Variants in TRIM34 observed in about 807,000 individuals in gnomAD.
TRIM34 encodes the protein tripartite motif containing 34, also known as E3 ubiquitin-protein ligase TRIM34.
TRIM34 carries 41 observed loss-of-function variants against 38.1 expected under a neutral mutation model. The ratio of observed to expected loss-of-function variants is 1.08; its 90% CI spans 0.84 to 1.40. TRIM34 has a LOEUF of 1.40. TRIM34 is among the 40% of genes most tolerant of loss of function. The pLI is 0.00. For missense variants in TRIM34, 556 were observed against 571.4 expected, an observed-to-expected ratio of 0.97 and a Z score of 0.27; for synonymous variants, 200 against 202.5, an observed-to-expected ratio of 0.99 and a Z score of 0.10.
intron 1 of TRIM34, chr11:5,626,587 AG>A (rs1431584562): frequency 3.3e-5 from 5 of 152,234 alleles, no homozygotes; most frequent in Admixed American, 3.3e-4. Context: ...GAGGCATAAA[AG>A]GTGAGTTCTT....
chr11:5,627,678 G>GCTCA (rs1849305816), intron 1 of TRIM34, among the ~76,000 whole-genome samples: 1 of 152,186 alleles, frequency 6.6e-6, no homozygotes, highest in South Asian at 2.1e-4. Context: ...CTAAGGAGTA[G>GCTCA]CTGAAGCAAG....
At chr11:5,642,259 G>A (rs551261260) in intron 5 of TRIM34, 147 bp from the exon 6 acceptor site, 438 of 598,910 alleles carry the variant, frequency 7.3e-4, no homozygotes, top group Non-Finnish European at 1.0e-3. Flanking sequence ...TCTGGATCCA[G>A]GGTCCGGCTC....
chr11:5,628,710 T>TA (rs1849350344), intron 1 of TRIM34, among the ~76,000 whole-genome samples: 1 of 152,172 alleles, frequency 6.6e-6, no homozygotes, highest in African/African-American at 2.4e-5. Flanking sequence ...AGCACTGTTG[T>TA]AACCAATTAT....
At chr11:5,642,633 C>T in intron 6 of TRIM34, 127 bp downstream of exon 6, 1 of 1,401,498 alleles carries the variant, frequency 7.1e-7, no homozygotes, top group Non-Finnish European at 9.6e-7. Flanking sequence ...AAGGAATATT[C>T]TGTGGTGAAG....
At chr11:5,622,969 T>G (rs1199752170), upstream of TRIM34, among the ~76,000 whole-genome samples, 1 of 152,226 alleles carries the variant, frequency 6.6e-6, no homozygotes, top group Non-Finnish European at 1.5e-5. Context: ...GCGGGACAGC[T>G]GAGTCCGGAA....
At chr11:5,638,840 A>T (rs1237246549) in intron 4 of TRIM34, among the ~76,000 whole-genome samples, 2 of 152,022 alleles carry the variant, frequency 1.3e-5, no homozygotes, top group Non-Finnish European at 2.9e-5. Flanking sequence ...AAAAGAAGGG[A>T]GTTTATTTTT....
At chr11:5,631,476 C>T (rs1274299168) in intron 1 of TRIM34, among the ~76,000 whole-genome samples, 1 of 152,096 alleles carries the variant, frequency 6.6e-6, no homozygotes, top group Non-Finnish European at 1.5e-5. Flanking sequence ...TCTTATTTCT[C>T]AAGAATTTTG....
chr11:5,642,571 A>G, intron 6 of TRIM34, 65 bp downstream of exon 6: 4 of 1,561,784 alleles, frequency 2.6e-6, no homozygotes, highest in Non-Finnish European at 8.7e-7. Context: ...TAAACTGTCT[A>G]GGTGGGATAA....
chr11:5,639,678 T>TAAAAAA (rs1849906580), intron 4 of TRIM34, among the ~76,000 whole-genome samples: 1 of 16,736 alleles, frequency 6.0e-5, no homozygotes, highest in Admixed American at 5.9e-4. Context: ...AGACTCTATT[T>TAAAAAA]CAAAAAAAAA....
At chr11:5,623,772 G>A (rs1272921776), upstream of TRIM34, among the ~76,000 whole-genome samples, 1 of 152,062 alleles carries the variant, frequency 6.6e-6, no homozygotes, top group Non-Finnish European at 1.5e-5. Flanking sequence ...ATATTCCCAA[G>A]GTATTGGATG....
In TRIM34 at chr11:5,643,449, C is replaced by G; in HGVS notation, c.1207C>G (p.Gln403Glu). The G allele has an allele frequency of 6.2e-7, 1 of 1,614,188 alleles. No individual in the cohort carries two copies. The highest frequency in any genetic ancestry group is 1.1e-5 in the South Asian group (1 of 91,082). ...PLFGYWVIGLQNKCKYGVFEE... is the reference protein window; with the variant it reads ...PLFGYWVIGLENKCKYGVFEE... ...ATTTGGCTACTGGGTTATAGGGTTA[C>G]AGAATAAATGTAAGTATGGTGTCTT... The change falls in exon 8 of 8, where the codon CAG (glutamine) becomes GAG (glutamate). Residue 403 changes from glutamine (Q) to glutamate (E), a missense_variant. Gln to Glu is a conservative substitution (Grantham distance 29). Coordinates refer to ENST00000429814, the MANE Select transcript of TRIM34 (RefSeq NM_021616.6).
intron 1 of TRIM34, among the ~76,000 whole-genome samples, chr11:5,631,016 C>T (rs1199230780): frequency 6.6e-6 from 1 of 152,144 alleles, no homozygotes; most frequent in East Asian, 1.9e-4. Context: ...ATGTGGTCTC[C>T]CTTTATGTAT....
Position 5,643,444 on chromosome 11 carries a change from G to C in TRIM34, c.1202G>C (p.Gly401Ala), listed in dbSNP as rs768760349. 1 of 1,614,088 alleles carries C rather than the reference G, an allele frequency of 6.2e-7. No homozygotes were observed. ...CCTCTATTTGGCTACTGGGTTATAG[G>C]GTTACAGAATAAATGTAAGTATGGT... Reference protein sequence around the residue: ...YRPLFGYWVIGLQNKCKYGVF... With the variant: ...YRPLFGYWVIALQNKCKYGVF... The change falls in exon 8 of 8, where the codon GGG (glycine) becomes GCG (alanine). Residue 401 changes from glycine to alanine, a missense_variant. By Grantham distance (60) the Gly-to-Ala change is moderately conservative (BLOSUM62 0). Transcript: ENST00000429814.
chr11:5,633,802 A>T lies in TRIM34; in HGVS notation c.424-2A>T. ...GACTGTAGTGTGATTCCCTTCTCAT[A>T]GGAGAAACTCCAGGCAGTCCTCAAG... On this transcript the variant is annotated splice_acceptor_variant, in intron 2 of 7. Transcript: ENST00000429814. LOFTEE classifies it high-confidence loss of function. The T allele has an allele frequency of 1.2e-6, 2 of 1,613,326 alleles. No homozygotes were observed. Among genetic ancestry groups the T allele is most frequent in the Non-Finnish European group, 1.7e-6 (2 of 1,179,702 alleles).
Position 5,637,524 on chromosome 11 carries a change from G to A in TRIM34, c.750+2663G>A, listed in dbSNP as rs147901674. On this transcript the variant is annotated intron_variant, in intron 4 of 7. Transcript: ENST00000429814. ...ATTTGGCCATTTTTATTTTTGAAAG[G>A]ATGGAATGGTAGGTAGCTAAATGAG... Among the ~76,000 whole-genome samples, 996 of 152,282 alleles carry A rather than the reference G, an allele frequency of 6.5e-3. 5 individuals are homozygous for A. Among genetic ancestry groups the A allele is most frequent in the Middle Eastern group, 0.014 (4 of 294 alleles).
chr11:5,643,117 A>ATC, intron 7 of TRIM34, 27 bp from the exon 8 acceptor site: 4 of 1,173,358 alleles, frequency 3.4e-6, no homozygotes, highest in Non-Finnish European at 4.3e-6. Flanking sequence ...TCATATACAT[A>ATC]TATATATATT....
At chr11:5,642,376 T>TG in intron 5 of TRIM34, 30 bp from the exon 6 acceptor site, 2 of 1,597,948 alleles carry the variant, frequency 1.3e-6, no homozygotes, top group Non-Finnish European at 1.7e-6. Context: ...ATGAGAGATG[T>TG]GGGGGTCAAA....
rs777273270 is a variant in TRIM34, at chr11:5,643,127, T to TATA, written c.902-17_902-16insATA. 1.7e-3 allele frequency: 894 copies of TATA among 520,476 alleles called. 4 individuals are homozygous for TATA. Among genetic ancestry groups the TATA allele is most frequent in the East Asian group, 6.9e-3 (100 of 14,538 alleles). 32.2% of individuals were successfully genotyped at this position (520,476 alleles called of 1,614,324 possible). A position where few individuals can be genotyped will look rare whatever the true frequency, so the allele number is the denominator to read the frequency against. On this transcript the variant is annotated splice_polypyrimidine_tract_variant and intron_variant, in intron 7 of 7. Coordinates refer to ENST00000429814, the MANE Select transcript of TRIM34 (RefSeq NM_021616.6). Reference sequence around the variant, plus strand: ...TATATTCATATACATATATATATATTTTTTTTTTTCTTGCAGTGGATGTCA... The same window carrying TATA: ...TATATTCATATACATATATATATATTATATTTTTTTTTCTTGCAGTGGATGTCA...
rs748241477 is a variant in TRIM34 at position 5,641,196 on chromosome 11, A to G, written c.773+7A>G. ...TGAGTGGAATCATGAAATGGTGCGT[A>G]TGGGTGGCCAGGAGTGGTGCTTGTG... On this transcript the variant is annotated splice_region_variant and intron_variant, in intron 5 of 7. Transcript: ENST00000429814. The G allele has an allele frequency of 5.0e-6, 8 of 1,613,598 alleles. No homozygotes were observed. Among genetic ancestry groups the G allele is most frequent in the Non-Finnish European group, 4.2e-6 (5 of 1,179,916 alleles).
Sources: allele counts gnomAD v4.1 joint callset (sites outside exome capture counted in the v4.1 genomes callset), GRCh38; gene constraint gnomAD v4.1.1; transcripts MANE v1.5; gene names NCBI Gene and HGNC (gene_info 2026-07-23, HGNC 2026-07-21).